Variants in OSBP2 observed in about 807,000 individuals in gnomAD.
OSBP2 encodes the protein oxysterol binding protein 2, also known as oxysterol-binding protein 2.
In OSBP2, 66 loss-of-function variants were observed where a neutral mutation model predicts 96.0. The ratio of observed to expected loss-of-function variants is 0.69; its 90% CI spans 0.56 to 0.84. OSBP2 has a LOEUF of 0.84. Among genes scored for constraint, OSBP2 ranks in the 40% least tolerant of loss-of-function variants. The pLI is 0.00. For synonymous variants in OSBP2, 525 were observed against 520.9 expected (o/e 1.01, Z -0.11); for missense variants, 1,038 against 1,222.7 (o/e 0.85, Z 2.25).
intron 2 of OSBP2, among the ~76,000 whole-genome samples, chr22:30,799,112 CCTTT>C (rs1488272309): frequency 8.1e-5 from 11 of 135,488 alleles, no homozygotes; most frequent in South Asian, 2.4e-4. Context: ...TTCCTTCCTT[CCTTT>C]CTTTCTCTTT....
At chr22:30,732,361 A>G (rs1444205446) in intron 1 of OSBP2, among the ~76,000 whole-genome samples, 1 of 152,172 alleles carries the variant, frequency 6.6e-6, no homozygotes, top group East Asian at 1.9e-4. Flanking sequence ...TCTGGGTTTT[A>G]TTCCAGACAT....
intron 12 of OSBP2, among the ~76,000 whole-genome samples, chr22:30,897,293 T>G (rs1414457714): frequency 3.9e-5 from 6 of 152,232 alleles, no homozygotes; most frequent in African/African-American, 1.4e-4. Flanking sequence ...TCTGTACACC[T>G]CTTTCACTTG....
At chr22:30,696,050 A>AG (rs2089026733) in intron 1 of OSBP2, among the ~76,000 whole-genome samples, 1 of 152,100 alleles carries the variant, frequency 6.6e-6, no homozygotes, top group South Asian at 2.1e-4. Context: ...TCTGGTTGCC[A>AG]GGCCTTGGGC....
intron 12 of OSBP2, chr22:30,902,425 T>G: frequency 6.3e-7 from 1 of 1,581,482 alleles, no homozygotes; most frequent in Non-Finnish European, 8.7e-7. Context: ...GGGCAATCAG[T>G]CACTTCATGT....
At chr22:30,785,708 G>A in intron 2 of OSBP2, among the ~76,000 whole-genome samples, 1 of 152,140 alleles carries the variant, frequency 6.6e-6, no homozygotes, top group East Asian at 1.9e-4. Context: ...CATATCGAGG[G>A]AGGGAGCTAG....
rs980507142 is a variant in OSBP2 at position 30,763,738 on chromosome 22, A to G, written c.853+22369A>G. Among the ~76,000 whole-genome samples the G allele has an allele frequency of 6.6e-5, 10 of 152,194 alleles. No individual in the cohort carries two copies. In the South Asian group the frequency reaches 2.1e-3, roughly 32 times the overall value. Reference sequence around the variant, plus strand: ...AGGATGTCTCATGCAATATTTGGGCAGTCTATATACTAAAATTTATTTATT... The same window carrying G: ...AGGATGTCTCATGCAATATTTGGGCGGTCTATATACTAAAATTTATTTATT... On this transcript the variant is annotated intron_variant, in intron 2 of 13. Transcript: ENST00000332585.
intron 2 of OSBP2, among the ~76,000 whole-genome samples, chr22:30,863,893 G>T (rs923365493): frequency 2.0e-5 from 3 of 152,136 alleles, no homozygotes; most frequent in Admixed American, 6.5e-5. Context: ...TCCCCTCAGG[G>T]CCCTGCCTGG....
intron 2 of OSBP2, among the ~76,000 whole-genome samples, chr22:30,780,714 T>A (rs760441405): frequency 4.6e-5 from 7 of 152,130 alleles, no homozygotes; most frequent in Non-Finnish European, 8.8e-5. Context: ...GCCAGGCTGG[T>A]CTCGAACTCC....
chr22:30,778,192 G>GTTTTTTTTTT (rs2090462318), intron 2 of OSBP2, among the ~76,000 whole-genome samples: 1 of 61,884 alleles, frequency 1.6e-5, no homozygotes, highest in African/African-American at 5.3e-5. Context: ...TTTTTTTTTA[G>GTTTTTTTTTT]TAGAGATGGG....
intron 1 of OSBP2, among the ~76,000 whole-genome samples, chr22:30,727,171 T>G (rs555975820): frequency 6.6e-6 from 1 of 152,266 alleles, no homozygotes; most frequent in Admixed American, 6.5e-5. Context: ...ATTGCTAAGG[T>G]AAGTCCTCAG....
At chr22:30,893,081 C>T (rs1213055716) in intron 8 of OSBP2, 41 bp from the exon 9 acceptor site, 7 of 1,608,070 alleles carry the variant, frequency 4.4e-6, no homozygotes, top group Non-Finnish European at 5.9e-6. Flanking sequence ...AACCTGGGCT[C>T]ATGTCTGGCA....
chr22:30,727,116 ATC>A (rs2089664345), intron 1 of OSBP2, among the ~76,000 whole-genome samples: 1 of 152,322 alleles, frequency 6.6e-6, no homozygotes, highest in East Asian at 1.9e-4. Flanking sequence ...GGGAGGTACC[ATC>A]TCTACTTTTC....
intron 1 of OSBP2, among the ~76,000 whole-genome samples, chr22:30,735,084 T>A (rs2145729670): frequency 6.6e-6 from 1 of 152,216 alleles, no homozygotes; most frequent in Non-Finnish European, 1.5e-5. Flanking sequence ...CCCAGTTACT[T>A]GGGAGGCTGA....
At chr22:30,820,998 A>T (rs889218856) in intron 2 of OSBP2, among the ~76,000 whole-genome samples, 1 of 152,166 alleles carries the variant, frequency 6.6e-6, no homozygotes, top group African/African-American at 2.4e-5. Flanking sequence ...AATTGGTGAA[A>T]ATGGATTCCT....
At chr22:30,750,648 G>C (rs928818142) in intron 2 of OSBP2, among the ~76,000 whole-genome samples, 1 of 152,222 alleles carries the variant, frequency 6.6e-6, no homozygotes, top group Non-Finnish European at 1.5e-5. Flanking sequence ...TCCAAAGCCT[G>C]CTACCTGGAG....
At chr22:30,733,198 C>T (rs1415015305) in intron 1 of OSBP2, among the ~76,000 whole-genome samples, 2 of 152,136 alleles carry the variant, frequency 1.3e-5, no homozygotes, top group Non-Finnish European at 2.9e-5. Context: ...ATCGGGCACT[C>T]AGTGGAGCCG....
At chr22:30,863,799 C>T (rs145048565) in intron 2 of OSBP2, among the ~76,000 whole-genome samples, 41 of 152,272 alleles carry the variant, frequency 2.7e-4, no homozygotes, top group African/African-American at 9.1e-4. Context: ...TATCAGCCTC[C>T]GACACAGCAG....
chr22:30,803,407 G>A (rs2090881407), intron 2 of OSBP2, among the ~76,000 whole-genome samples: 1 of 152,254 alleles, frequency 6.6e-6, no homozygotes, highest in South Asian at 2.1e-4. Context: ...CCAGAAGCCA[G>A]ACAGTCACAA....
At chr22:30,810,214 G>T (rs894421052) in intron 2 of OSBP2, among the ~76,000 whole-genome samples, 1 of 152,126 alleles carries the variant, frequency 6.6e-6, no homozygotes, top group African/African-American at 2.4e-5. Context: ...GACAGAGGAG[G>T]TTAGAAGACA....
Sources: allele counts gnomAD v4.1 joint callset (sites outside exome capture counted in the v4.1 genomes callset), GRCh38; gene constraint gnomAD v4.1.1; transcripts MANE v1.5; gene names NCBI Gene and HGNC (gene_info 2026-07-23, HGNC 2026-07-21).